The following ANKH variants were observed in gnomAD, a reference collection of about 807,000 sequenced individuals.
ANKH encodes mineralization regulator ANKH.
In ANKH, 15 loss-of-function variants were observed where a neutral mutation model predicts 49.0. The ratio of observed to expected loss-of-function variants is 0.31; its 90% CI spans 0.20 to 0.47. The LOEUF is 0.47. ANKH is among the 20% of genes least tolerant of loss of function. The pLI, the probability that ANKH is intolerant of heterozygous loss-of-function variation, is 1.00. For missense variants in ANKH, 429 were observed against 652.0 expected (o/e 0.66, Z 3.72); for synonymous variants, 273 against 260.0 (o/e 1.05, Z -0.48).
intron 3 of ANKH, 141 bp downstream of exon 3, chr5:14,758,339 A>G: frequency 1.4e-6 from 1 of 721,512 alleles, no homozygotes; most frequent in East Asian, 2.7e-5. Context: ...AGTTCTGAAG[A>G]TTGGTTACAC....
At chr5:14,758,644 ATCTT>A in intron 2 of ANKH, 46 bp from the exon 3 acceptor site, 6 of 1,289,828 alleles carry the variant, frequency 4.7e-6, no homozygotes, top group Non-Finnish European at 5.7e-6. Flanking sequence ...AGAAAAGGAT[ATCTT>A]TATATTCTTT....
chr5:14,728,575 C>T (rs995403353), intron 8 of ANKH, among the ~76,000 whole-genome samples: 2 of 152,180 alleles, frequency 1.3e-5, no homozygotes, highest in African/African-American at 2.4e-5. Flanking sequence ...TCAAACAGGC[C>T]GTCTTTGTTC....
intron 1 of ANKH, among the ~76,000 whole-genome samples, chr5:14,855,861 A>T (rs1325775527): frequency 1.3e-5 from 2 of 151,474 alleles, no homozygotes; most frequent in East Asian, 3.9e-4. Flanking sequence ...AAAAAAAAAA[A>T]GGCGGCATGC....
At chr5:14,855,225 T>C (rs1742221544) in intron 1 of ANKH, among the ~76,000 whole-genome samples, 1 of 152,208 alleles carries the variant, frequency 6.6e-6, no homozygotes, top group Non-Finnish European at 1.5e-5. Context: ...AAGGATTCCT[T>C]CTATAGGATC....
At position 14,871,384 on chromosome 5, in the gene ANKH, T is replaced by A. The variant is rs751312816; in HGVS notation, c.64A>T (p.Ile22Phe). 4 of 1,613,288 alleles carry A rather than the reference T, an allele frequency of 2.5e-6. No individual in the cohort carries two copies. Among genetic ancestry groups the A allele is most frequent in the Non-Finnish European group, 3.4e-6 (4 of 1,179,606 alleles). Residue 22 changes from isoleucine to phenylalanine, a missense_variant, in exon 1 of 12, where the codon ATC becomes TTC. Ile to Phe is a conservative substitution (Grantham distance 21). Coordinates refer to ENST00000284268, the MANE Select transcript of ANKH (RefSeq NM_054027.6). ...PLIRFLVPLGITNIAIDFGEQ... is the reference protein window; with the variant it reads ...PLIRFLVPLGFTNIAIDFGEQ... ...CCGAAGTCGATGGCTATGTTGGTGA[T>A]GCCCAGGGGCACCAAGAACCGGATC...
intron 8 of ANKH, among the ~76,000 whole-genome samples, chr5:14,729,610 C>T (rs1352187238): frequency 2.0e-5 from 3 of 152,156 alleles, no homozygotes; most frequent in African/African-American, 4.8e-5. Flanking sequence ...CTCTACCTGC[C>T]AGCTGTGCCT....
chr5:14,789,713 T>TTC (rs148388912), intron 1 of ANKH, among the ~76,000 whole-genome samples: 25 of 150,478 alleles, frequency 1.7e-4, no homozygotes, highest in East Asian at 7.8e-4. Flanking sequence ...GCAGTACACA[T>TTC]TCTCTCTCTC....
chr5:14,860,979 C>T (rs916077674), intron 1 of ANKH, among the ~76,000 whole-genome samples: 1 of 152,104 alleles, frequency 6.6e-6, no homozygotes, highest in African/African-American at 2.4e-5. Context: ...GATGGAGTTT[C>T]ACCATGTTGG....
rs144687394 is a variant in ANKH at position 14,751,075 on chromosome 5, C to T, written c.681G>A (p.Glu227=). 8.6e-4 allele frequency: 1,383 copies of T among 1,614,102 alleles called. 1 individual carries two copies. The highest frequency in any genetic ancestry group is 1.0e-3 in the Non-Finnish European group (1,223 of 1,180,042). Residue 227 remains glutamate (E), a synonymous_variant, in exon 5 of 12, where the codon GAG becomes GAA. Transcript: ENST00000284268. ...GTTGGGTTGGTAGACGTACCCCCAG[C>T]TCCGGGCCACTTCTGTCAGGGATGA... ...HDIIPDRSGP[E]LGGDATIRKM... is the part of the protein sequence containing the mutation.
At chr5:14,831,308 C>T (rs796111266) in intron 1 of ANKH, among the ~76,000 whole-genome samples, 18 of 152,262 alleles carry the variant, frequency 1.2e-4, no homozygotes, top group Admixed American at 3.3e-4. Flanking sequence ...GTATGAGGAG[C>T]TACTTAGGTG....
chr5:14,715,978 T>G (rs991254849), intron 9 of ANKH, among the ~76,000 whole-genome samples: 3 of 152,232 alleles, frequency 2.0e-5, no homozygotes, highest in African/African-American at 7.2e-5. Flanking sequence ...ATCTCCAGGC[T>G]TTAGCAATAC....
intron 1 of ANKH, among the ~76,000 whole-genome samples, chr5:14,815,252 C>T (rs978676386): frequency 6.6e-6 from 1 of 152,154 alleles, no homozygotes; most frequent in Non-Finnish European, 1.5e-5. Flanking sequence ...GCAAGTCTCC[C>T]GATTTTTCTG....
intron 1 of ANKH, among the ~76,000 whole-genome samples, chr5:14,841,307 T>C (rs1227407699): frequency 1.3e-5 from 2 of 152,012 alleles, no homozygotes; most frequent in Admixed American, 6.6e-5. Context: ...TTATTTTGTT[T>C]TTTTTTTTAG....
At chr5:14,855,842 G>GAAA (rs1735222080) in intron 1 of ANKH, among the ~76,000 whole-genome samples, 1 of 126,048 alleles carries the variant, frequency 7.9e-6, no homozygotes. Flanking sequence ...AAAAAAAAAA[G>GAAA]AAAAAGAAAA....
chr5:14,841,345 A>G (rs1741810877), intron 1 of ANKH, among the ~76,000 whole-genome samples: 1 of 151,644 alleles, frequency 6.6e-6, no homozygotes, highest in Non-Finnish European at 1.5e-5. Context: ...CACCCAGGCT[A>G]AAGTGCAATG....
chr5:14,799,574 T>C (rs1298838123), intron 1 of ANKH, among the ~76,000 whole-genome samples: 1 of 152,196 alleles, frequency 6.6e-6, no homozygotes, highest in Non-Finnish European at 1.5e-5. Flanking sequence ...ATTCAGAAAG[T>C]CCTCAGGTCC....
At chr5:14,750,707 T>A (rs114427606) in intron 5 of ANKH, among the ~76,000 whole-genome samples, 120 of 152,258 alleles carry the variant, frequency 7.9e-4, no homozygotes, top group African/African-American at 2.6e-3. Context: ...TCAAACACAA[T>A]GAAATATAAA....
chr5:14,797,280 G>C, intron 1 of ANKH: 1 of 1,473,172 alleles, frequency 6.8e-7, no homozygotes, highest in Non-Finnish European at 9.5e-7. Context: ...TATCTTGGCA[G>C]TGTGACCACC....
intron 9 of ANKH, among the ~76,000 whole-genome samples, chr5:14,716,060 C>T (rs1188340384): frequency 1.3e-5 from 2 of 152,142 alleles, no homozygotes; most frequent in East Asian, 1.9e-4. Flanking sequence ...TTTTGGTGCA[C>T]AGTTTTGAGA....
Sources: gnomAD v4.1 joint callset for allele counts (sites outside exome capture counted in the v4.1 genomes callset) on GRCh38, gnomAD v4.1.1 for gene constraint, MANE v1.5 for transcripts, NCBI Gene and HGNC (gene_info 2026-07-23, HGNC 2026-07-21) for gene names.